Variants in FRMD7 observed in about 807,000 individuals in gnomAD.
The protein encoded by FRMD7 is FERM domain containing 7, also known as FERM domain-containing protein 7.
FRMD7 carries 14 observed loss-of-function variants against 44.1 expected under a neutral mutation model. The ratio of observed to expected loss-of-function variants is 0.32; its 90% CI spans 0.21 to 0.50. FRMD7 has a LOEUF of 0.50. Ranked by LOEUF, FRMD7 falls within the 20% of genes least tolerant of loss-of-function variation. The probability of loss-of-function intolerance (pLI) is 0.99; values close to 1 mark genes in which losing one functional copy is unlikely to be tolerated. For missense variants in FRMD7, 501 were observed against 522.3 expected (o/e 0.96, Z 0.40); for synonymous variants, 212 against 187.4 (o/e 1.13, Z -1.07).
intron 1 of FRMD7, among the ~76,000 whole-genome samples, chrX:132,111,866 G>A (rs1569347548): frequency 8.9e-6 from 1 of 112,028 alleles, no homozygotes; most frequent in Admixed American, 9.5e-5. Context: ...CCTCGACTGA[G>A]CTCTGTTTAT....
At position 132,078,653 on chromosome X, in the gene FRMD7, T is replaced by C. The variant is rs745817146; in HGVS notation, c.1364A>G (p.Asn455Ser). ...GAGGCCAGAATATATGCTCATGTGA[T>C]TACCAGAAAACTTACAGCTTGTTTG... ...SFQTSCKFSG[N>S]HMSIYSGLTS... Residue 455 changes from asparagine to serine, a missense_variant, in exon 12 of 12, where the codon AAT becomes AGT. By Grantham distance (46) the Asn-to-Ser change is conservative. Around this residue, in one of 3 missense-constraint regions of FRMD7, gnomAD observed 453 missense variants for 452.7 expected, o/e 1.00. Coordinates refer to ENST00000298542, the MANE Select transcript of FRMD7 (RefSeq NM_194277.3). 4.1e-6 allele frequency: 5 copies of C among 1,211,735 alleles called. No individual in the cohort carries two copies. The South Asian group carries it at 7.0e-5, about 17-fold the overall frequency.
chrX:132,097,431 A>C (rs866923895), intron 3 of FRMD7, 87 bp from the exon 4 acceptor site: 8 of 481,108 alleles, frequency 1.7e-5, no homozygotes, highest in East Asian at 3.5e-5. Flanking sequence ...ACACACACCC[A>C]CACACACACC....
At chrX:132,103,125 G>T (rs1399450039) in intron 1 of FRMD7, among the ~76,000 whole-genome samples, 3 of 111,901 alleles carry the variant, frequency 2.7e-5, no homozygotes, top group Non-Finnish European at 3.8e-5. Flanking sequence ...CATAGTGTAC[G>T]TTGAAATTGG....
chrX:132,127,393 A>G (rs1453646908), intron 1 of FRMD7, among the ~76,000 whole-genome samples: 1 of 112,122 alleles, frequency 8.9e-6, no homozygotes, highest in African/African-American at 3.2e-5. Context: ...AAAGGAGGAT[A>G]GCTTCCCCCA....
chrX:132,086,075 G>A, intron 5 of FRMD7, 41 bp from the exon 6 acceptor site: 1 of 858,245 alleles, frequency 1.2e-6, no homozygotes, highest in South Asian at 2.0e-5. Context: ...TTACCTTTGA[G>A]GAACTTAGCA....
chrX:132,085,528 A>G, intron 7 of FRMD7, 53 bp downstream of exon 7: 1 of 1,157,706 alleles, frequency 8.6e-7, no homozygotes, highest in Non-Finnish European at 1.2e-6. Context: ...AGTTTGAGCC[A>G]AGATAACCAC....
chrX:132,091,455 C>T (rs1383973878), intron 5 of FRMD7, among the ~76,000 whole-genome samples: 1 of 111,324 alleles, frequency 9.0e-6, no homozygotes, highest in Non-Finnish European at 1.9e-5. Context: ...TGTTGCATAG[C>T]TTACCCTCCC....
chrX:132,116,852 T>G (rs1928912793), intron 1 of FRMD7, among the ~76,000 whole-genome samples: 1 of 111,865 alleles, frequency 8.9e-6, no homozygotes, highest in Non-Finnish European at 1.9e-5. Flanking sequence ...TACAATAAAA[T>G]AAATAAAATA....
intron 5 of FRMD7, among the ~76,000 whole-genome samples, chrX:132,088,009 C>T (rs910973948): frequency 3.6e-5 from 4 of 111,550 alleles, no homozygotes; most frequent in Admixed American, 2.8e-4. Context: ...GTCTAATACC[C>T]ACTCACAATC....
At chrX:132,122,731 G>T (rs1929065211) in intron 1 of FRMD7, among the ~76,000 whole-genome samples, 1 of 111,912 alleles carries the variant, frequency 8.9e-6, no homozygotes, top group Non-Finnish European at 1.9e-5. Flanking sequence ...AAACTTGATG[G>T]TAACATTCAG....
chrX:132,078,880 C>A lies in FRMD7; in HGVS notation c.1137G>T (p.Arg379Ser). Residue 379 changes from arginine (R) to serine (S), a missense_variant, in exon 12 of 12, where the codon AGG (arginine) becomes AGT (serine). Transcript: ENST00000298542. ...VHASEPVLESRRRNSALEVTF... is the reference protein window; with the variant it reads ...VHASEPVLESSRRNSALEVTF... ...TCACCTCCAATGCAGAATTCCTCCT[C>A]CTACTCTCCAGCACTGGCTCAGATG... The A allele has an allele frequency of 2.5e-6, 3 of 1,205,715 alleles. No homozygotes were observed. Among genetic ancestry groups the A allele is most frequent in the Non-Finnish European group, 3.4e-6 (3 of 890,120 alleles).
intron 1 of FRMD7, among the ~76,000 whole-genome samples, chrX:132,119,202 GA>G (rs770383946): frequency 4.5e-5 from 5 of 112,255 alleles, no homozygotes; most frequent in African/African-American, 1.6e-4. Flanking sequence ...AGTGAGTGAT[GA>G]ATGAATGAAG....
chrX:132,077,516 C>T lies in FRMD7; in HGVS notation c.*356G>A, dbSNP rs758619416. ...TACTAAATCACTAAATGCCATTAGA[C>T]GCTAATTCCATATGCCAACCCATAC... On this transcript the variant is annotated 3_prime_UTR_variant, in exon 12 of 12. Coordinates refer to ENST00000298542, the MANE Select transcript of FRMD7 (RefSeq NM_194277.3). The T allele has an allele frequency of 9.8e-5, 21 of 215,110 alleles. No homozygotes were observed. Among genetic ancestry groups the T allele is most frequent in the Middle Eastern group, 2.9e-3 (2 of 679 alleles). The allele number at this position is 215,110 out of a possible 1,213,427, so 17.7% of individuals were successfully genotyped here. A position where few individuals can be genotyped will look rare whatever the true frequency, so the allele number is the denominator to read the frequency against.
intron 5 of FRMD7, among the ~76,000 whole-genome samples, chrX:132,092,308 C>T (rs1276294808): frequency 9.0e-6 from 1 of 110,869 alleles, no homozygotes; most frequent in African/African-American, 3.3e-5. Flanking sequence ...GGTTCTTGAA[C>T]GCTTAAAATA....
At position 132,076,990 on chromosome X, in the gene FRMD7, T is replaced by C. The variant is rs1361286833; in HGVS notation, c.*882A>G. 1 of 111,848 alleles carries C rather than the reference T, an allele frequency of 8.9e-6. No homozygotes were observed. The highest frequency in any genetic ancestry group is 1.9e-5 in the Non-Finnish European group (1 of 53,102). 9.2% of individuals were successfully genotyped at this position (111,848 alleles called of 1,213,427 possible). ...ATTGATTAAAACAAAAGGAAGAACATAGTTATAATTTATTTTTTAATTACC... is the reference window on the plus strand; with the variant it reads ...ATTGATTAAAACAAAAGGAAGAACACAGTTATAATTTATTTTTTAATTACC... On this transcript the variant is annotated 3_prime_UTR_variant, in exon 12 of 12. Coordinates refer to ENST00000298542, the MANE Select transcript of FRMD7 (RefSeq NM_194277.3).
chrX:132,112,452 AG>A (rs1223686062), intron 1 of FRMD7, among the ~76,000 whole-genome samples: 1 of 111,770 alleles, frequency 8.9e-6, no homozygotes, highest in African/African-American at 3.3e-5. Context: ...TAAACCCTGG[AG>A]GGAAGCACAG....
chrX:132,107,685 A>G (rs978600102), intron 1 of FRMD7, among the ~76,000 whole-genome samples: 1 of 108,991 alleles, frequency 9.2e-6, no homozygotes, highest in Admixed American at 9.9e-5. Context: ...TCAGATAAGG[A>G]CCCCATATTT....
At position 132,079,127 on chromosome X, in the gene FRMD7, G is replaced by A. The variant is rs569063840; in HGVS notation, c.1051-161C>T. ...GGGTAGATAAATATATAAAGAAAGG[G>A]TAATAACTTCTACTACATCACAGTG... On this transcript the variant is annotated intron_variant, in intron 11 of 11. Coordinates refer to ENST00000298542, the MANE Select transcript of FRMD7 (RefSeq NM_194277.3). Among the ~76,000 whole-genome samples, 9 of 112,213 alleles carry A rather than the reference G, an allele frequency of 8.0e-5. No individual in the cohort carries two copies. In the South Asian group the frequency reaches 3.3e-3, roughly 41 times the overall value.
In FRMD7 at chrX:132,085,745, T is replaced by C. The variant is rs1169793134; in HGVS notation, c.498-17A>G. Reference sequence around the variant, plus strand: ...CTCCTGCCACTGAAAGGGGAAAGAATTTATGAGCCTAATAAATGCCTCAAG... The same window carrying C: ...CTCCTGCCACTGAAAGGGGAAAGAACTTATGAGCCTAATAAATGCCTCAAG... On this transcript the variant is annotated splice_polypyrimidine_tract_variant and intron_variant, in intron 6 of 11. Transcript: ENST00000298542. The C allele has an allele frequency of 8.3e-7, 1 of 1,200,741 alleles. No homozygotes were observed. The highest frequency in any genetic ancestry group is 3.0e-5 in the East Asian group (1 of 33,788).
Sources: allele counts gnomAD v4.1 joint callset (sites outside exome capture counted in the v4.1 genomes callset), GRCh38; gene constraint gnomAD v4.1.1; regional missense constraint gnomAD v4.1.1; transcripts MANE v1.5; gene names NCBI Gene and HGNC (gene_info 2026-07-23, HGNC 2026-07-21).